Variants in ARSF observed in about 807,000 individuals in gnomAD.
ARSF encodes the protein arylsulfatase F.
In ARSF, 33 loss-of-function variants were observed where a neutral mutation model predicts 35.4. The ratio of observed to expected loss-of-function variants is 0.93; its 90% CI spans 0.71 to 1.25. ARSF has a LOEUF of 1.25. Ranked by LOEUF, ARSF falls within the 50% of genes most tolerant of loss-of-function variation. The probability of loss-of-function intolerance (pLI) is 0.00; values close to 1 mark genes in which losing one functional copy is unlikely to be tolerated. For synonymous variants in ARSF, 222 were observed against 193.1 expected (o/e 1.15, Z -1.24); for missense variants, 501 against 480.2 (o/e 1.04, Z -0.40).
intron 1 of ARSF, among the ~76,000 whole-genome samples, chrX:3,065,480 A>G (rs1184691892): frequency 3.7e-5 from 4 of 107,026 alleles, no homozygotes; most frequent in East Asian, 2.9e-4. Context: ...AAATCAGGAG[A>G]AAAAAAATTG....
chrX:3,072,031 C>A lies in ARSF; in HGVS notation c.17C>A (p.Pro6His). The stretch of plus-strand genomic sequence containing the variant: ...AATCCCTGCTTGCTTTCCAGGAGAC[C>A]CTTGGTCTTCATGTCTTTGGTGTGT... Reference protein sequence around the residue: MRPRRPLVFMSLVCAL... With the variant: MRPRRHLVFMSLVCAL... Residue 6 changes from proline (P) to histidine (H), a missense_variant, in exon 3 of 11, where the codon CCC becomes CAC. Pro to His is a moderately conservative substitution (Grantham distance 77). Transcript: ENST00000381127. 8.3e-7 allele frequency: 1 copy of A among 1,202,272 alleles called. No individual in the cohort carries two copies.
chrX:3,112,130 G>A (rs774797340), intron 10 of ARSF, 44 bp from the exon 11 acceptor site: 2 of 1,097,193 alleles, frequency 1.8e-6, no homozygotes, highest in South Asian at 4.1e-5. Context: ...CTTTGATCTG[G>A]CTGAAGTGCG....
intron 2 of ARSF, among the ~76,000 whole-genome samples, chrX:3,069,790 C>T (rs989407584): frequency 1.2e-3 from 128 of 108,624 alleles, no homozygotes; most frequent in African/African-American, 4.1e-3. Context: ...GACATATAAA[C>T]ATTGCATAGA....
At chrX:3,084,772 C>CT in intron 6 of ARSF, 106 bp downstream of exon 6, 2 of 805,805 alleles carry the variant, frequency 2.5e-6, no homozygotes, top group Admixed American at 4.1e-5. Flanking sequence ...ATCTATTGTA[C>CT]ACTTCTAAAT....
intron 1 of ARSF, among the ~76,000 whole-genome samples, chrX:3,050,928 A>T (rs755502889): frequency 9.0e-6 from 1 of 111,496 alleles, no homozygotes; most frequent in African/African-American, 3.3e-5. Flanking sequence ...CTGAGATCGT[A>T]TTGGGAAACT....
At chrX:3,046,690 C>T (rs1184989657) in intron 1 of ARSF, among the ~76,000 whole-genome samples, 1 of 111,672 alleles carries the variant, frequency 9.0e-6, no homozygotes, top group East Asian at 2.8e-4. Context: ...GAAGGCAGCA[C>T]CAAGCTCAGA....
intron 1 of ARSF, among the ~76,000 whole-genome samples, chrX:3,042,093 CTT>C (rs1369750520): frequency 8.9e-6 from 1 of 112,050 alleles, no homozygotes; most frequent in African/African-American, 3.2e-5. Context: ...ACACAATAAT[CTT>C]TGTTTCTGTA....
At position 3,058,759 on chromosome X, in the gene ARSF, G is replaced by T. The variant is rs142137919; in HGVS notation, c.-28-9314G>T. On this transcript the variant is annotated intron_variant, in intron 1 of 10. Coordinates refer to ENST00000381127, the MANE Select transcript of ARSF (RefSeq NM_001201539.2). The stretch of plus-strand genomic sequence containing the variant: ...GCCTGTAGTTCCAGCCACTCCAGAG[G>T]CTGAGACTGGAGGATCTTTCGAGCT... 6.0e-3 allele frequency: 1,214 copies of T among 203,750 alleles called. 20 individuals carry two copies. Among genetic ancestry groups the T allele is most frequent in the African/African-American group, 0.033 (1,115 of 33,476 alleles). 16.8% of individuals were successfully genotyped at this position (203,750 alleles called of 1,213,427 possible). A position where few individuals can be genotyped will look rare whatever the true frequency, so the allele number is the denominator to read the frequency against.
chrX:3,089,287 T>C (rs1018082529), intron 6 of ARSF, among the ~76,000 whole-genome samples: 2 of 111,329 alleles, frequency 1.8e-5, no homozygotes, highest in Non-Finnish European at 1.9e-5. Context: ...ATGGTTTCAG[T>C]AGCATTACCA....
chrX:3,056,275 ATTT>A (rs773033087), intron 1 of ARSF, among the ~76,000 whole-genome samples: 1 of 84,755 alleles, frequency 1.2e-5, no homozygotes, highest in African/African-American at 4.4e-5. Context: ...CATCATTCCT[ATTT>A]TTTTTTTTTT....
intron 8 of ARSF, among the ~76,000 whole-genome samples, chrX:3,102,257 T>C (rs5939166): frequency 0.057 from 6,300 of 111,494 alleles, 176 homozygotes; most frequent in Admixed American, 0.11. Flanking sequence ...GTTCCCAATA[T>C]GTAGTATTTT....
chrX:3,079,940 C>T (rs917262152), intron 4 of ARSF, among the ~76,000 whole-genome samples: 1 of 77,365 alleles, frequency 1.3e-5, no homozygotes, highest in African/African-American at 5.5e-5. Context: ...GCCTGGGCAG[C>T]AGAGTGAGAT....
At chrX:3,080,799 A>T in intron 4 of ARSF, 92 bp from the exon 5 acceptor site, 1 of 1,066,556 alleles carries the variant, frequency 9.4e-7, no homozygotes, top group Non-Finnish European at 1.3e-6. Context: ...TACCTTGCAG[A>T]TGAGGATTTC....
intron 7 of ARSF, among the ~76,000 whole-genome samples, chrX:3,093,769 G>A (rs1285866432): frequency 9.0e-6 from 1 of 111,671 alleles, no homozygotes; most frequent in African/African-American, 3.3e-5. Context: ...TGGCATTGCT[G>A]GGTCAGAGGG....
At chrX:3,085,097 C>T (rs146984256) in intron 6 of ARSF, among the ~76,000 whole-genome samples, 2,826 of 109,810 alleles carry the variant, frequency 0.026, 45 homozygotes, top group Middle Eastern at 0.062. Context: ...GTACCTAAAG[C>T]GGTGGTACCT....
At chrX:3,056,985 C>A (rs753475713) in intron 1 of ARSF, among the ~76,000 whole-genome samples, 1 of 111,318 alleles carries the variant, frequency 9.0e-6, no homozygotes, top group South Asian at 3.9e-4. Flanking sequence ...CATTGTGACT[C>A]CAAAGTCTAC....
chrX:3,066,473 C>T (rs1327060637), intron 1 of ARSF, among the ~76,000 whole-genome samples: 1 of 111,828 alleles, frequency 8.9e-6, no homozygotes. Flanking sequence ...CATGAGGTCA[C>T]CGCAACACAA....
intron 8 of ARSF, among the ~76,000 whole-genome samples, chrX:3,101,508 G>A (rs1029546110): frequency 9.0e-6 from 1 of 111,216 alleles, no homozygotes; most frequent in Non-Finnish European, 1.9e-5. Context: ...TGCTTTTATG[G>A]GGTCTTTAAA....
At chrX:3,111,881 T>C (rs1464170176) in intron 10 of ARSF, among the ~76,000 whole-genome samples, 2 of 109,885 alleles carry the variant, frequency 1.8e-5, no homozygotes, top group Non-Finnish European at 3.8e-5. Flanking sequence ...CATGCACAGT[T>C]CACAATAGGT....
Sources: gnomAD v4.1 joint callset for allele counts (sites outside exome capture counted in the v4.1 genomes callset) on GRCh38, gnomAD v4.1.1 for gene constraint, MANE v1.5 for transcripts, NCBI Gene and HGNC (gene_info 2026-07-23, HGNC 2026-07-21) for gene names.